Variants in ASCC3 observed in about 807,000 individuals in gnomAD.
ASCC3 encodes the protein activating signal cointegrator 1 complex subunit 3, also known as ASC-1 complex subunit P200.
Under a neutral mutation model 256.3 loss-of-function variants are expected in ASCC3, and 158 were observed. The observed-to-expected ratio is 0.62, with a 90% CI of 0.54 to 0.70. ASCC3 has a LOEUF of 0.70. ASCC3 is among the 30% of genes least tolerant of loss of function. The pLI, the probability that ASCC3 is intolerant of heterozygous loss-of-function variation, is 0.00. For synonymous variants in ASCC3, 948 were observed against 883.4 expected (o/e 1.07, Z -1.30); for missense variants, 2,259 against 2,626.0 (o/e 0.86, Z 3.05).
In ASCC3 at chr6:100,531,045, C is replaced by T; in HGVS notation, c.5775+9118G>A. 3 of 1,565,286 alleles carry T rather than the reference C, an allele frequency of 1.9e-6. No homozygotes were observed. The South Asian group carries it at 3.4e-5, about 17-fold the overall frequency. On this transcript the variant is annotated intron_variant, in intron 37 of 41. Coordinates refer to ENST00000369162, the MANE Select transcript of ASCC3 (RefSeq NM_006828.4). ...CAAACTGCTGGGACAAAAAGTACAA[C>T]AGTGTAGCACTAAAGGAATCTTCTA...
At chr6:100,761,568 G>A (rs1781425843) in intron 10 of ASCC3, among the ~76,000 whole-genome samples, 1 of 152,334 alleles carries the variant, frequency 6.6e-6, no homozygotes, top group South Asian at 2.1e-4. Flanking sequence ...CTTCAGGAAT[G>A]GAAGTGAAAT....
intron 1 of ASCC3, among the ~76,000 whole-genome samples, chr6:100,868,862 C>T (rs1773606965): frequency 6.6e-6 from 1 of 152,162 alleles, no homozygotes; most frequent in African/African-American, 2.4e-5. Flanking sequence ...TTCAGATGGC[C>T]TGGTCTAATC....
At chr6:100,546,268 A>T (rs1346438966) in intron 36 of ASCC3, among the ~76,000 whole-genome samples, 3 of 152,148 alleles carry the variant, frequency 2.0e-5, no homozygotes, top group African/African-American at 7.2e-5. Context: ...AACTAAATGA[A>T]GGGTTATACC....
intron 4 of ASCC3, among the ~76,000 whole-genome samples, chr6:100,838,053 G>C (rs1006303485): frequency 1.3e-5 from 2 of 151,748 alleles, no homozygotes; most frequent in African/African-American, 4.8e-5. Context: ...TTAAAACATG[G>C]TAAATAGTAT....
chr6:100,549,198 G>A (rs963257724), intron 36 of ASCC3, among the ~76,000 whole-genome samples: 4 of 151,824 alleles, frequency 2.6e-5, no homozygotes, highest in Non-Finnish European at 5.9e-5. Context: ...AAAATGTTGT[G>A]CAAAAATAGT....
At chr6:100,824,735 A>C (rs1431027278) in intron 4 of ASCC3, among the ~76,000 whole-genome samples, 1 of 152,180 alleles carries the variant, frequency 6.6e-6, no homozygotes, top group African/African-American at 2.4e-5. Context: ...CAATACTTTC[A>C]AACTTTGTAA....
At chr6:100,834,966 G>A (rs1771803366) in intron 4 of ASCC3, among the ~76,000 whole-genome samples, 1 of 151,922 alleles carries the variant, frequency 6.6e-6, no homozygotes, top group Admixed American at 6.6e-5. Flanking sequence ...CTGGAATAAT[G>A]TTAACTATTA....
rs1773635736 is a variant in ASCC3 at position 100,509,228 on chromosome 6, T to C, written c.*158A>G. The C allele has an allele frequency of 1.1e-6, 1 of 915,330 alleles. No individual in the cohort carries two copies. The highest frequency in any genetic ancestry group is 1.7e-6 in the Non-Finnish European group (1 of 575,636). 56.7% of individuals were successfully genotyped at this position (915,330 alleles called of 1,614,324 possible). ...TAAAAGGCCACTGTGGTTAACTTTA[T>C]GTCACTGGAGTCAATACTGCAGCCA... On this transcript the variant is annotated 3_prime_UTR_variant, in exon 42 of 42. Coordinates refer to ENST00000369162, the MANE Select transcript of ASCC3 (RefSeq NM_006828.4).
At chr6:100,640,228 A>C (rs980479450) in intron 24 of ASCC3, among the ~76,000 whole-genome samples, 3 of 147,974 alleles carry the variant, frequency 2.0e-5, no homozygotes, top group African/African-American at 8.0e-5. Flanking sequence ...AGACTAAAAA[A>C]TAAATAAATA....
intron 4 of ASCC3, among the ~76,000 whole-genome samples, chr6:100,832,708 A>G (rs1256162717): frequency 6.6e-6 from 1 of 152,138 alleles, no homozygotes; most frequent in African/African-American, 2.4e-5. Flanking sequence ...GTAAAATTCA[A>G]TCTATTAGCT....
chr6:100,817,219 A>T (rs1770795653), intron 4 of ASCC3, among the ~76,000 whole-genome samples: 2 of 152,026 alleles, frequency 1.3e-5, no homozygotes, highest in South Asian at 4.1e-4. Flanking sequence ...TACGTGTTAA[A>T]TATGTGAGAT....
intron 1 of ASCC3, among the ~76,000 whole-genome samples, chr6:100,876,138 G>A (rs1030024746): frequency 6.6e-6 from 1 of 152,124 alleles, no homozygotes; most frequent in Admixed American, 6.5e-5. Context: ...GAGAGACTTG[G>A]ATAGATGAAG....
chr6:100,549,463 C>T (rs1001723915), intron 36 of ASCC3, among the ~76,000 whole-genome samples: 2 of 151,840 alleles, frequency 1.3e-5, no homozygotes, highest in Non-Finnish European at 2.9e-5. Context: ...TGGTTTTCTT[C>T]TTGTATGTCA....
At chr6:100,867,806 C>T (rs1773549936) in intron 2 of ASCC3, 102 bp downstream of exon 2, 4 of 1,033,964 alleles carry the variant, frequency 3.9e-6, no homozygotes, top group Non-Finnish European at 5.9e-6. Flanking sequence ...CAAGATAAAA[C>T]TTCCATGTTA....
chr6:100,588,314 A>G (rs188721877), intron 36 of ASCC3, among the ~76,000 whole-genome samples: 4 of 152,312 alleles, frequency 2.6e-5, no homozygotes, highest in Non-Finnish European at 5.9e-5. Flanking sequence ...ATGTGAGATT[A>G]GATAAATACG....
At chr6:100,679,095 GTCTC>G (rs911351204) in intron 14 of ASCC3, among the ~76,000 whole-genome samples, 1 of 151,840 alleles carries the variant, frequency 6.6e-6, no homozygotes, top group African/African-American at 2.4e-5. Flanking sequence ...GGGCCTAAAG[GTCTC>G]CCTTTTTAAA....
At chr6:100,854,293 A>G (rs913671294) in intron 3 of ASCC3, among the ~76,000 whole-genome samples, 12 of 152,198 alleles carry the variant, frequency 7.9e-5, no homozygotes, top group Admixed American at 7.8e-4. Context: ...CTGTGATATA[A>G]TTTTAAAATT....
At chr6:100,588,923 G>C (rs1478383396) in intron 36 of ASCC3, among the ~76,000 whole-genome samples, 4 of 152,072 alleles carry the variant, frequency 2.6e-5, no homozygotes, top group African/African-American at 9.7e-5. Flanking sequence ...CAACACATCT[G>C]AAGGATAAGA....
chr6:100,690,061 C>T (rs1046300163), intron 13 of ASCC3, among the ~76,000 whole-genome samples: 1 of 152,040 alleles, frequency 6.6e-6, no homozygotes, highest in Admixed American at 6.6e-5. Context: ...ATACAGTCTT[C>T]CCTTGGTATC....
Sources: allele counts gnomAD v4.1 joint callset (sites outside exome capture counted in the v4.1 genomes callset), GRCh38; gene constraint gnomAD v4.1.1; transcripts MANE v1.5; gene names NCBI Gene and HGNC (gene_info 2026-07-23, HGNC 2026-07-21).